Variants in IL1RAPL1 observed in about 807,000 individuals in gnomAD.
IL1RAPL1 encodes interleukin-1 receptor accessory protein-like 1.
Under a neutral mutation model 48.4 loss-of-function variants are expected in IL1RAPL1, and 3 were observed. The ratio of observed to expected loss-of-function variants is 0.06; its 90% confidence interval spans 0.03 to 0.16. The LOEUF (loss-of-function observed/expected upper bound fraction) is 0.16. Among genes scored for constraint, IL1RAPL1 ranks in the 10% least tolerant of loss-of-function variants. The pLI is 1.00. For missense variants in IL1RAPL1, 349 were observed against 530.6 expected, an observed-to-expected ratio of 0.66 and a Z score of 3.36; for synonymous variants, 185 against 187.7, an observed-to-expected ratio of 0.99 and a Z score of 0.12.
At chrX:29,098,026 T>A (rs1928252962) in intron 2 of IL1RAPL1, among the ~76,000 whole-genome samples, 2 of 112,254 alleles carry the variant, frequency 1.8e-5, no homozygotes, top group Non-Finnish European at 3.8e-5. Context: ...TTTACCCAAT[T>A]TACTAGAAAG....
chrX:29,209,680 T>A (rs1340073588), intron 2 of IL1RAPL1, among the ~76,000 whole-genome samples: 1 of 112,444 alleles, frequency 8.9e-6, no homozygotes, highest in African/African-American at 3.2e-5. Flanking sequence ...GCTCTCACCA[T>A]TACCAATAGC....
intron 3 of IL1RAPL1, among the ~76,000 whole-genome samples, chrX:29,334,147 C>T (rs1035368920): frequency 1.4e-5 from 1 of 73,979 alleles, no homozygotes; most frequent in African/African-American, 6.0e-5. Flanking sequence ...TAGGGGCGGC[C>T]GGGCAGAGGC....
At chrX:29,532,434 A>T (rs1466970652) in intron 5 of IL1RAPL1, among the ~76,000 whole-genome samples, 1 of 112,030 alleles carries the variant, frequency 8.9e-6, no homozygotes, top group East Asian at 2.8e-4. Context: ...GCCTCCTCAG[A>T]AGCCCACTTA....
At chrX:29,227,116 T>A (rs1031930144) in intron 2 of IL1RAPL1, among the ~76,000 whole-genome samples, 2 of 110,176 alleles carry the variant, frequency 1.8e-5, no homozygotes, top group Admixed American at 1.9e-4. Flanking sequence ...ATAATCAACA[T>A]TCTAAAATGC....
intron 2 of IL1RAPL1, among the ~76,000 whole-genome samples, chrX:29,034,235 G>A (rs1332596367): frequency 1.8e-5 from 2 of 111,852 alleles, no homozygotes; most frequent in African/African-American, 6.5e-5. Context: ...GCTGATATAA[G>A]TGAAATTTAT....
chrX:29,137,973 C>G (rs778561261), intron 2 of IL1RAPL1, among the ~76,000 whole-genome samples: 2 of 112,603 alleles, frequency 1.8e-5, no homozygotes, highest in South Asian at 7.2e-4. Flanking sequence ...CACTATAAAG[C>G]AACTATAAAG....
At chrX:29,400,650 A>G (rs1933982039) in intron 5 of IL1RAPL1, among the ~76,000 whole-genome samples, 1 of 112,133 alleles carries the variant, frequency 8.9e-6, no homozygotes, top group Admixed American at 9.5e-5. Context: ...ACTTAAAATT[A>G]GTTTTCCCTG....
At chrX:29,172,612 A>T (rs1382441595) in intron 2 of IL1RAPL1, among the ~76,000 whole-genome samples, 1 of 111,681 alleles carries the variant, frequency 9.0e-6, no homozygotes, top group East Asian at 2.8e-4. Context: ...CCTCCAGGTG[A>T]TTCTAATGCA....
chrX:29,324,460 G>A (rs1235860806), intron 3 of IL1RAPL1, among the ~76,000 whole-genome samples: 1 of 111,417 alleles, frequency 9.0e-6, no homozygotes, highest in East Asian at 2.8e-4. Flanking sequence ...AATCAGCAAG[G>A]CCTGTCTGTC....
intron 2 of IL1RAPL1, among the ~76,000 whole-genome samples, chrX:29,160,993 G>A (rs1262438111): frequency 1.8e-5 from 2 of 110,886 alleles, no homozygotes; most frequent in African/African-American, 3.3e-5. Flanking sequence ...GGGAGGCGGA[G>A]GTTGCAGTGA....
chrX:28,894,668 T>A (rs5943470), intron 2 of IL1RAPL1, among the ~76,000 whole-genome samples: 1 of 108,364 alleles, frequency 9.2e-6, no homozygotes, highest in African/African-American at 3.4e-5. Flanking sequence ...TTGTGATTTT[T>A]AGGGCCTCTA....
intron 6 of IL1RAPL1, among the ~76,000 whole-genome samples, chrX:29,691,491 A>C (rs969135076): frequency 2.7e-5 from 3 of 111,614 alleles, no homozygotes; most frequent in African/African-American, 9.8e-5. Flanking sequence ...AACAAACAAA[A>C]AATAAGTAAC....
chrX:28,880,784 A>G (rs1922483642), intron 2 of IL1RAPL1, among the ~76,000 whole-genome samples: 1 of 111,507 alleles, frequency 9.0e-6, no homozygotes, highest in South Asian at 3.7e-4. Flanking sequence ...TTTTATAACT[A>G]TAAATTTTGT....
At chrX:29,203,439 T>C (rs1476271903) in intron 2 of IL1RAPL1, among the ~76,000 whole-genome samples, 1 of 110,930 alleles carries the variant, frequency 9.0e-6, no homozygotes, top group Non-Finnish European at 1.9e-5. Flanking sequence ...TTTTGAAATA[T>C]ACAAAAAAAT....
chrX:29,640,737 A>G (rs1473762609), intron 5 of IL1RAPL1, among the ~76,000 whole-genome samples: 3 of 112,369 alleles, frequency 2.7e-5, no homozygotes, highest in African/African-American at 9.7e-5. Context: ...ATCCAAACCA[A>G]TGACAAATCT....
intron 5 of IL1RAPL1, among the ~76,000 whole-genome samples, chrX:29,584,124 G>A (rs1350746863): frequency 9.0e-6 from 1 of 111,060 alleles, no homozygotes; most frequent in Admixed American, 9.6e-5. Context: ...CCATATCCTT[G>A]GTTTGGTAAC....
intron 2 of IL1RAPL1, among the ~76,000 whole-genome samples, chrX:28,959,273 C>T (rs1341478081): frequency 9.0e-6 from 1 of 111,586 alleles, no homozygotes; most frequent in East Asian, 2.8e-4. Flanking sequence ...AGGAAACATT[C>T]CTTAATATCC....
chrX:29,384,030 TTTTTC>T (rs1488338657), intron 3 of IL1RAPL1, among the ~76,000 whole-genome samples: 1 of 112,318 alleles, frequency 8.9e-6, no homozygotes, highest in African/African-American at 3.2e-5. Flanking sequence ...TTTGTTTATC[TTTTTC>T]TTTTACCTCA....
intron 2 of IL1RAPL1, among the ~76,000 whole-genome samples, chrX:28,918,635 A>G (rs1311824659): frequency 1.8e-5 from 2 of 112,372 alleles, no homozygotes; most frequent in Non-Finnish European, 3.8e-5. Context: ...AAGTGAAAAC[A>G]GAAGTGATTA....
Sources: gnomAD v4.1 joint callset for allele counts (sites outside exome capture counted in the v4.1 genomes callset) on GRCh38, gnomAD v4.1.1 for gene constraint, MANE v1.5 for transcripts, NCBI Gene and HGNC (gene_info 2026-07-23, HGNC 2026-07-21) for gene names.